The following TEAD1 variants were observed in gnomAD, a reference collection of about 807,000 sequenced individuals.
The protein encoded by TEAD1 is transcriptional enhancer factor TEF-1.
In TEAD1, 9 loss-of-function variants were observed where a neutral mutation model predicts 54.9. That is an observed-to-expected ratio of 0.16 (90% CI 0.10 to 0.29). The LOEUF (loss-of-function observed/expected upper bound fraction) is 0.29, where lower values mean the gene tolerates loss of function less well. Ranked by LOEUF, TEAD1 falls within the 10% of genes least tolerant of loss-of-function variation. TEAD1 has a pLI of 1.00. For missense variants in TEAD1, 387 were observed against 535.9 expected, an observed-to-expected ratio of 0.72 and a Z score of 2.74; for synonymous variants, 200 against 187.8, an observed-to-expected ratio of 1.07 and a Z score of -0.53.
At chr11:12,911,961 T>G (rs1289707488) in intron 10 of TEAD1, among the ~76,000 whole-genome samples, 1 of 152,124 alleles carries the variant, frequency 6.6e-6, no homozygotes, top group East Asian at 1.9e-4. Flanking sequence ...CAAGGCTTTT[T>G]TTTTTTAAGT....
intron 2 of TEAD1, among the ~76,000 whole-genome samples, chr11:12,731,154 C>T (rs1328862245): frequency 1.3e-5 from 2 of 152,142 alleles, no homozygotes; most frequent in African/African-American, 4.8e-5. Flanking sequence ...AATCTGAATT[C>T]CCTACCTCTG....
At position 12,938,730 on chromosome 11, in the gene TEAD1, A is replaced by C. The variant is rs751459037; in HGVS notation, c.*1508A>C. ...AAGTATTCCAGAGCATTGCCCAGGCAGAGTTGGTTTGATGTGGCCAGATGT... is the reference window on the plus strand; with the variant it reads ...AAGTATTCCAGAGCATTGCCCAGGCCGAGTTGGTTTGATGTGGCCAGATGT... On this transcript the variant is annotated 3_prime_UTR_variant, in exon 13 of 13. Coordinates refer to ENST00000527636, the MANE Select transcript of TEAD1 (RefSeq NM_021961.6). The C allele has an allele frequency of 6.6e-6, 1 of 152,268 alleles. No homozygotes were observed. Among genetic ancestry groups the C allele is most frequent in the Non-Finnish European group, 1.5e-5 (1 of 68,058 alleles). The allele number at this position is 152,268 out of a possible 1,614,324, so 9.4% of individuals were successfully genotyped here. A position where few individuals can be genotyped will look rare whatever the true frequency, so the allele number is the denominator to read the frequency against.
At chr11:12,761,588 G>A (rs893829280) in intron 2 of TEAD1, among the ~76,000 whole-genome samples, 1 of 152,184 alleles carries the variant, frequency 6.6e-6, no homozygotes, top group Non-Finnish European at 1.5e-5. Flanking sequence ...TTAATGGAAA[G>A]TAAGTCCACC....
chr11:12,863,438 G>A (rs969287048), intron 4 of TEAD1, among the ~76,000 whole-genome samples: 2 of 152,160 alleles, frequency 1.3e-5, no homozygotes, highest in African/African-American at 4.8e-5. Flanking sequence ...GCCAGATGGA[G>A]GGCTGAAGAG....
intron 3 of TEAD1, among the ~76,000 whole-genome samples, chr11:12,769,274 G>A (rs2133932526): frequency 6.6e-6 from 1 of 152,154 alleles, no homozygotes; most frequent in Non-Finnish European, 1.5e-5. Flanking sequence ...CTGCTGACCT[G>A]TGCCCTGCCC....
intron 6 of TEAD1, among the ~76,000 whole-genome samples, chr11:12,880,555 T>C (rs1947944153): frequency 6.6e-6 from 1 of 152,202 alleles, no homozygotes; most frequent in African/African-American, 2.4e-5. Flanking sequence ...GCAGAGAAGC[T>C]GCCTGCATTG....
intron 3 of TEAD1, among the ~76,000 whole-genome samples, chr11:12,781,965 AAAAAAAGAAAGAAAAAAAGAAAAAG>A (rs1564937685): frequency 7.0e-5 from 10 of 141,928 alleles, no homozygotes; most frequent in African/African-American, 3.1e-4. Flanking sequence ...AAAAAAAAAA[AAAAAAAGAAAGAAAAAAAGAAAAAG>A]AAAAAAAAAA....
intron 3 of TEAD1, among the ~76,000 whole-genome samples, chr11:12,801,741 C>T (rs1292974713): frequency 3.3e-5 from 5 of 152,208 alleles, no homozygotes; most frequent in Admixed American, 2.6e-4. Context: ...GCCACAGAGT[C>T]AAACCAAGAA....
intron 2 of TEAD1, among the ~76,000 whole-genome samples, chr11:12,732,391 C>T (rs1039963622): frequency 7.2e-5 from 11 of 152,108 alleles, no homozygotes; most frequent in African/African-American, 2.7e-4. Context: ...TGTGACATAG[C>T]GGATACCCAG....
chr11:12,933,110 A>G (rs1949040896), intron 12 of TEAD1, among the ~76,000 whole-genome samples: 1 of 152,148 alleles, frequency 6.6e-6, no homozygotes, highest in African/African-American at 2.4e-5. Flanking sequence ...TGACAAAACC[A>G]CCTGATTACA....
chr11:12,902,255 G>C (rs1948437547), intron 10 of TEAD1, 142 bp downstream of exon 10: 1 of 1,154,956 alleles, frequency 8.7e-7, no homozygotes, highest in South Asian at 1.2e-5. Context: ...AGGGAGCACG[G>C]ACTCACACCT....
chr11:12,778,975 T>A (rs1288991967), intron 3 of TEAD1, among the ~76,000 whole-genome samples: 1 of 152,246 alleles, frequency 6.6e-6, no homozygotes, highest in Non-Finnish European at 1.5e-5. Flanking sequence ...CCTGAGATGT[T>A]GTGAACTAGA....
chr11:12,706,605 G>A (rs1943820500), intron 2 of TEAD1, among the ~76,000 whole-genome samples: 1 of 152,204 alleles, frequency 6.6e-6, no homozygotes, highest in Non-Finnish European at 1.5e-5. Context: ...TAAAGACATT[G>A]CCCTTGATAT....
intron 10 of TEAD1, among the ~76,000 whole-genome samples, chr11:12,918,325 T>TTATATATATCTTGATAATTA (rs1180163772): frequency 1.3e-5 from 2 of 149,878 alleles, no homozygotes; most frequent in Non-Finnish European, 3.0e-5. Flanking sequence ...ATATATAAAA[T>TTATATATATCTTGATAATTA]TATATATATC....
At chr11:12,675,808 CT>C (rs1215382205) in intron 2 of TEAD1, among the ~76,000 whole-genome samples, 4 of 152,208 alleles carry the variant, frequency 2.6e-5, no homozygotes, top group Non-Finnish European at 4.4e-5. Flanking sequence ...CACACCTCCC[CT>C]CTCATGAAAA....
intron 2 of TEAD1, among the ~76,000 whole-genome samples, chr11:12,716,335 CG>C (rs111880932): frequency 0.11 from 17,382 of 151,948 alleles, 3,352 homozygotes; most frequent in African/African-American, 0.4. Context: ...TAGGAGTTCA[CG>C]GGGGGGTTCC....
At chr11:12,755,004 G>C (rs1564929292) in intron 2 of TEAD1, among the ~76,000 whole-genome samples, 1 of 152,176 alleles carries the variant, frequency 6.6e-6, no homozygotes, top group East Asian at 1.9e-4. Context: ...TTAGAATTCT[G>C]AATCAGCCAA....
chr11:12,715,247 A>T (rs942107745), intron 2 of TEAD1, among the ~76,000 whole-genome samples: 1 of 152,104 alleles, frequency 6.6e-6, no homozygotes, highest in Non-Finnish European at 1.5e-5. Context: ...CCCTGAGACC[A>T]TTCCTTCACC....
At chr11:12,811,257 G>A (rs1454744911) in intron 3 of TEAD1, among the ~76,000 whole-genome samples, 4 of 152,114 alleles carry the variant, frequency 2.6e-5, no homozygotes, top group East Asian at 1.9e-4. Context: ...GGTGTAGGGT[G>A]AGGACATGAG....
Sources: gnomAD v4.1 joint callset for allele counts (sites outside exome capture counted in the v4.1 genomes callset) on GRCh38, gnomAD v4.1.1 for gene constraint, MANE v1.5 for transcripts, NCBI Gene and HGNC (gene_info 2026-07-23, HGNC 2026-07-21) for gene names.